The following GNAS variants were observed in gnomAD, a reference collection of about 807,000 sequenced individuals.
GNAS encodes the protein GNAS complex locus.
Under a neutral mutation model 54.5 loss-of-function variants are expected in GNAS, and 8 were observed. The observed-to-expected ratio is 0.15, with a 90% CI of 0.09 to 0.26. The LOEUF (loss-of-function observed/expected upper bound fraction) is 0.26, where lower values mean the gene tolerates loss of function less well. Ranked by LOEUF, GNAS falls within the 10% of genes least tolerant of loss-of-function variation. The pLI, the probability that GNAS is intolerant of heterozygous loss-of-function variation, is 1.00. For synonymous variants in GNAS, 204 were observed against 191.4 expected (o/e 1.07, Z -0.54); for missense variants, 170 against 529.8 (o/e 0.32, Z 6.67).
upstream of GNAS, among the ~76,000 whole-genome samples, chr20:58,891,081 A>ACGCCCCCTCTCCCCCCTCGGCTCAGC (rs2089196265): frequency 7.0e-6 from 1 of 142,726 alleles, no homozygotes; most frequent in Non-Finnish European, 1.5e-5. Context: ...TGGCGCGGAG[A>ACGCCCCCTCTCCCCCCTCGGCTCAGC]CGCCCCCTCT....
chr20:58,860,713 G>A (rs1364430756), intron 1 of GNAS, among the ~76,000 whole-genome samples: 4 of 152,180 alleles, frequency 2.6e-5, no homozygotes, highest in African/African-American at 7.2e-5. Flanking sequence ...CTAGGCTGGA[G>A]TGCAGTGGTA....
In GNAS at chr20:58,853,919, T is replaced by TCC. The variant is rs2086295082; in HGVS notation, c.43+13037_43+13038dup. The TCC allele has an allele frequency of 6.2e-7, 1 of 1,609,240 alleles. No individual in the cohort carries two copies. Among genetic ancestry groups the TCC allele is most frequent in the Middle Eastern group, 1.7e-4 (1 of 6,054 alleles). The stretch of plus-strand genomic sequence containing the variant: ...CTGGCTCCAGAGGAGGCTACAGCCC[T>TCC]CCCCCTGAGGAGACTATGCCATTTG... On this transcript the variant is annotated intron_variant, in intron 1 of 12. Coordinates refer to the GNAS transcript ENST00000306090. This position sits in a 1 kb window ranked among gnomAD's most constrained non-coding sequence, Gnocchi z 4.4.
chr20:58,855,495 C>A, intron 1 of GNAS: 1 of 753,512 alleles, frequency 1.3e-6, no homozygotes, highest in Non-Finnish European at 2.4e-6. Context: ...ACCCTAACTG[C>A]CCTGGGAGCG....
At chr20:58,840,346 C>G, upstream of GNAS, 2 of 1,613,208 alleles carry the variant, frequency 1.2e-6, no homozygotes, top group Non-Finnish European at 1.7e-6. The surrounding 1 kb of genome is among the most constrained non-coding windows in gnomAD (Gnocchi z 6.0). Flanking sequence ...CTGAGTCCCC[C>G]GAATCGGAAT....
At chr20:58,851,425 C>G (rs1317366791) in intron 1 of GNAS, among the ~76,000 whole-genome samples, 1 of 152,228 alleles carries the variant, frequency 6.6e-6, no homozygotes, top group Non-Finnish European at 1.5e-5. Context: ...CTCCCCTCCC[C>G]CAGGGTTCTG....
At chr20:58,895,340 AT>A in intron 1 of GNAS, 1 of 455,872 alleles carries the variant, frequency 2.2e-6, no homozygotes, top group Non-Finnish European at 4.1e-6. Flanking sequence ...CCACCCCACA[AT>A]TTTTTAAACA....
rs1472815866 is a variant in GNAS at position 58,909,373 on chromosome 20, G to C, written c.609G>C (p.Leu203=). ...AGGACCTGCTTCGCTGCCGTGTCCT[G>C]ACTTCTGGAATCTTTGAGACCAAGT... ...SDQDLLRCRV[L]TSGIFETKFQ... is the part of the protein sequence containing the mutation. Residue 203 remains leucine, a synonymous_variant, in exon 8 of 13, where the codon CTG becomes CTC. Transcript: ENST00000371085. The surrounding 1 kb of genome is among the most constrained non-coding windows in gnomAD (Gnocchi z 7.3). 1.2e-6 allele frequency: 2 copies of C among 1,614,006 alleles called. No homozygotes were observed. The highest frequency in any genetic ancestry group is 1.7e-6 in the Non-Finnish European group (2 of 1,179,896).
At chr20:58,899,729 CCG>C (rs917213821) in intron 3 of GNAS, among the ~76,000 whole-genome samples, 3 of 151,588 alleles carry the variant, frequency 2.0e-5, no homozygotes, top group African/African-American at 7.3e-5. Context: ...GCCACACGCG[CCG>C]CGCACACACA....
At chr20:58,851,671 T>C (rs6015389) in intron 1 of GNAS, among the ~76,000 whole-genome samples, 65,498 of 152,202 alleles carry the variant, frequency 0.43, 16,812 homozygotes, top group African/African-American at 0.71. Context: ...AGCTCTGAGC[T>C]CACCGCAGCA....
At chr20:58,854,014 A>T in intron 1 of GNAS, 3 of 1,611,684 alleles carry the variant, frequency 1.9e-6, no homozygotes, top group Non-Finnish European at 1.7e-6. Context: ...GCACAAGTCG[A>T]CGGCAGCAGC....
chr20:58,910,428 T>C lies in GNAS; in HGVS notation c.1038+27T>C. On this transcript the variant is annotated intron_variant, in intron 12 of 12. Coordinates refer to ENST00000371085, the MANE Select transcript of GNAS (RefSeq NM_000516.7). This position sits in a 1 kb window ranked among gnomAD's most constrained non-coding sequence, Gnocchi z 5.8. ...TGAGTCGAGCCTGTCTTTAGTTTCC[T>C]CTCTTGTTCCTCCTCTTTTTCTCAT... The C allele has an allele frequency of 6.5e-7, 1 of 1,543,340 alleles. No individual in the cohort carries two copies. Among genetic ancestry groups the C allele is most frequent in the African/African-American group, 1.4e-5 (1 of 73,810 alleles).
intron 1 of GNAS, chr20:58,854,247 C>G: frequency 6.2e-7 from 1 of 1,613,264 alleles, no homozygotes; most frequent in African/African-American, 1.3e-5. Flanking sequence ...CATGGACAGC[C>G]CCCCAATCGC....
intron 1 of GNAS, among the ~76,000 whole-genome samples, chr20:58,882,615 G>A (rs901455019): frequency 6.6e-6 from 1 of 152,188 alleles, no homozygotes; most frequent in African/African-American, 2.4e-5. Flanking sequence ...CGTTATTTCA[G>A]CATGAGCAAT....
At chr20:58,889,975 C>T (rs2088980434), upstream of GNAS, among the ~76,000 whole-genome samples, 1 of 151,186 alleles carries the variant, frequency 6.6e-6, no homozygotes, top group Non-Finnish European at 1.5e-5. Flanking sequence ...GAAGCTGCGG[C>T]GGCGGCTGCG....
intron 6 of GNAS, among the ~76,000 whole-genome samples, chr20:58,905,777 T>C (rs1442987915): frequency 6.6e-6 from 1 of 152,226 alleles, no homozygotes; most frequent in Non-Finnish European, 1.5e-5. Flanking sequence ...ATTAATTGAA[T>C]TGACCCTAAG....
intron 6 of GNAS, chr20:58,908,907 C>CGCTAA (rs1252453371): frequency 3.5e-6 from 2 of 579,418 alleles, no homozygotes; most frequent in East Asian, 6.2e-5. Flanking sequence ...AGGCCACAGG[C>CGCTAA]TAGCTGCTAG....
In GNAS at chr20:58,857,347, A is replaced by G. The variant is rs1000854447; in HGVS notation, c.43+16461A>G. On this transcript the variant is annotated intron_variant, in intron 1 of 12. Coordinates refer to the GNAS transcript ENST00000306090. The surrounding 1 kb of genome is among the most constrained non-coding windows in gnomAD (Gnocchi z 4.1). ...GTTGTTTTAAATTTCAAATGTCTCA[A>G]CTACACTAAAGCTACCAAACATTAA... 6.6e-6 allele frequency among the ~76,000 whole-genome samples: 1 copy of G among 152,208 alleles called. No individual in the cohort carries two copies. Among genetic ancestry groups the G allele is most frequent in the Non-Finnish European group, 1.5e-5 (1 of 68,042 alleles).
At chr20:58,878,134 G>A (rs552662170) in intron 1 of GNAS, among the ~76,000 whole-genome samples, 16 of 152,346 alleles carry the variant, frequency 1.1e-4, no homozygotes, top group African/African-American at 3.8e-4. Flanking sequence ...CTTACGCAGA[G>A]CACAAGAGAT....
At chr20:58,903,477 C>A in intron 3 of GNAS, 54 bp from the exon 4 acceptor site, 1 of 1,398,632 alleles carries the variant, frequency 7.1e-7, no homozygotes, top group Non-Finnish European at 1.0e-6. Flanking sequence ...GAAAGCAGTA[C>A]TCCTAACTGA....
Sources: allele counts gnomAD v4.1 joint callset (sites outside exome capture counted in the v4.1 genomes callset), GRCh38; gene constraint gnomAD v4.1.1; non-coding constraint Gnocchi (gnomAD v3.1); transcripts MANE v1.5; gene names NCBI Gene and HGNC (gene_info 2026-07-23, HGNC 2026-07-21).